INTU: variants seen among roughly 807,000 people sequenced by gnomAD.
INTU encodes inturned planar cell polarity protein.
INTU carries 68 observed loss-of-function variants against 100.5 expected under a neutral mutation model. That is an observed-to-expected ratio of 0.68 (90% CI 0.56 to 0.83). INTU has a LOEUF of 0.83. Among genes scored for constraint, INTU ranks in the 40% least tolerant of loss-of-function variants. The pLI is 0.00. For missense variants in INTU, 1,071 were observed against 1,114.7 expected (o/e 0.96, Z 0.56); for synonymous variants, 357 against 395.7 (o/e 0.90, Z 1.16).
chr4:127,706,448 T>C (rs963169161), intron 11 of INTU, 39 bp from the exon 12 acceptor site: 10 of 1,515,838 alleles, frequency 6.6e-6, no homozygotes, highest in Non-Finnish European at 9.0e-6. Context: ...AATATTTTCA[T>C]GGTAGCTAAA....
chr4:127,648,119 C>G (rs1409746672), intron 2 of INTU, among the ~76,000 whole-genome samples: 2 of 152,164 alleles, frequency 1.3e-5, no homozygotes, highest in African/African-American at 2.4e-5. Context: ...CAGGCCATTT[C>G]TTATTTAACA....
intron 2 of INTU, among the ~76,000 whole-genome samples, chr4:127,655,124 C>T (rs1033999524): frequency 1.3e-5 from 2 of 152,102 alleles, no homozygotes; most frequent in Non-Finnish European, 2.9e-5. Flanking sequence ...ATACATTCAT[C>T]TAAATTTTTT....
intron 6 of INTU, among the ~76,000 whole-genome samples, chr4:127,679,012 T>C (rs1186664407): frequency 1.3e-5 from 2 of 151,958 alleles, no homozygotes; most frequent in African/African-American, 4.8e-5. Context: ...AAGAAGGCCA[T>C]TACATAATGG....
chr4:127,707,392 CAAAAAAAAA>C (rs71587331), intron 12 of INTU, among the ~76,000 whole-genome samples: 5 of 44,584 alleles, frequency 1.1e-4, no homozygotes, highest in East Asian at 1.7e-3. Flanking sequence ...GACTCTGTCT[CAAAAAAAAA>C]AAAAAAAAAA....
intron 8 of INTU, among the ~76,000 whole-genome samples, chr4:127,695,329 G>A (rs1250109843): frequency 6.6e-6 from 1 of 152,074 alleles, no homozygotes; most frequent in Non-Finnish European, 1.5e-5. Context: ...TCTATGCTTG[G>A]GTGCAGTGGC....
At chr4:127,707,561 C>T (rs1207884991) in intron 12 of INTU, among the ~76,000 whole-genome samples, 2 of 151,990 alleles carry the variant, frequency 1.3e-5, no homozygotes, top group Non-Finnish European at 2.9e-5. Context: ...GCTGTGGGGC[C>T]TGTTGGGGGC....
At position 127,706,955 on chromosome 4, in the gene INTU, G is replaced by A. The variant is rs1730910024; in HGVS notation, c.2257G>A (p.Gly753Arg). ...SQGSDGLEES[G>R]TLLKVTKKKS... ...GGGCTCTGATGGTTTAGAAGAAAGT[G>A]GGACCTTGCTTAAGGTGTGTGCTTA... is the stretch of plus-strand genomic sequence containing the variant. The change falls in exon 12 of 16, where the codon GGG (glycine) becomes AGG (arginine). Residue 753 changes from glycine to arginine, a missense_variant. Transcript: ENST00000335251. 6.2e-7 allele frequency: 1 copy of A among 1,613,304 alleles called. No homozygotes were observed. The highest frequency in any genetic ancestry group is 2.2e-5 in the East Asian group (1 of 44,876).
At position 127,721,448 on chromosome 4, in the gene INTU, C is replaced by G. The variant is rs1180914388; in HGVS notation, c.*5012C>G. On this transcript the variant is annotated 3_prime_UTR_variant, in exon 16 of 16. Transcript: ENST00000335251. Reference sequence around the variant, plus strand: ...CTTGGAGAATCTGATGATTATGTGTCTTGGGGTTGATCTCATGGAGTATTG... The same window carrying G: ...CTTGGAGAATCTGATGATTATGTGTGTTGGGGTTGATCTCATGGAGTATTG... 1 of 152,058 alleles carries G rather than the reference C, an allele frequency of 6.6e-6. No individual in the cohort carries two copies. The highest frequency in any genetic ancestry group is 1.5e-5 in the Non-Finnish European group (1 of 68,016). The allele number at this position is 152,058 out of a possible 1,614,324, so 9.4% of individuals were successfully genotyped here. A position where few individuals can be genotyped will look rare whatever the true frequency, so the allele number is the denominator to read the frequency against.
chr4:127,691,978 A>ATATATATATATATATG (rs1560868017), intron 8 of INTU, among the ~76,000 whole-genome samples: 2 of 143,532 alleles, frequency 1.4e-5, no homozygotes, highest in South Asian at 2.3e-4. Context: ...ATATATATAT[A>ATATATATATATATATG]TATGTCACAT....
chr4:127,725,655 C>T lies in INTU; in HGVS notation c.*9219C>T, dbSNP rs1731406720. 1 of 152,080 alleles carries T rather than the reference C, an allele frequency of 6.6e-6. No homozygotes were observed. 9.4% of individuals were successfully genotyped at this position (152,080 alleles called of 1,614,324 possible). A position where few individuals can be genotyped will look rare whatever the true frequency, so the allele number is the denominator to read the frequency against. On this transcript the variant is annotated 3_prime_UTR_variant, in exon 16 of 16. Transcript: ENST00000335251. ...TGGTGTCAGAGAAACATGAGACCATCGCTCAATAATGGAAATAAAAAGGCA... is the reference window on the plus strand; with the variant it reads ...TGGTGTCAGAGAAACATGAGACCATTGCTCAATAATGGAAATAAAAAGGCA...
intron 2 of INTU, among the ~76,000 whole-genome samples, chr4:127,648,650 A>G (rs1277693387): frequency 6.6e-6 from 1 of 152,214 alleles, no homozygotes; most frequent in Non-Finnish European, 1.5e-5. Flanking sequence ...CAAACTATAG[A>G]CAACAGAACT....
At chr4:127,645,902 G>C (rs759028790) in intron 2 of INTU, among the ~76,000 whole-genome samples, 3 of 151,958 alleles carry the variant, frequency 2.0e-5, no homozygotes, top group African/African-American at 7.2e-5. Flanking sequence ...ATTTGGATAG[G>C]CCTGGCGTGG....
Position 127,663,448 on chromosome 4 carries a change from C to T in INTU, c.836C>T (p.Thr279Ile). 1 of 1,613,390 alleles carries T rather than the reference C, an allele frequency of 6.2e-7. No individual in the cohort carries two copies. Among genetic ancestry groups the T allele is most frequent in the Non-Finnish European group, 8.5e-7 (1 of 1,179,502 alleles). The change falls in exon 4 of 16, where the codon ACA (threonine) becomes ATA (isoleucine). Residue 279 changes from threonine to isoleucine, a missense_variant. Thr to Ile is a moderately conservative substitution (Grantham distance 89). Transcript: ENST00000335251. ...RETSHPRQKK[T>I]QSNTSDLVKL... ...ACGTCCCATCCAAGACAGAAAAAGA[C>T]ACAGTCCAACACAAGTGATTTAGTC...
chr4:127,658,314 T>C (rs1728325110), intron 3 of INTU, among the ~76,000 whole-genome samples: 1 of 124,834 alleles, frequency 8.0e-6, no homozygotes, highest in Admixed American at 8.4e-5. Context: ...TAGGAATGGA[T>C]AGCGAGATGG....
intron 1 of INTU, among the ~76,000 whole-genome samples, chr4:127,642,118 A>G (rs1257399537): frequency 1.3e-5 from 2 of 152,174 alleles, no homozygotes; most frequent in Admixed American, 6.5e-5. Context: ...CTTTGTTACT[A>G]AATGATTATG....
intron 6 of INTU, among the ~76,000 whole-genome samples, chr4:127,676,361 G>A (rs140559190): frequency 0.048 from 7,263 of 152,078 alleles, 239 homozygotes; most frequent in Non-Finnish European, 0.077. Context: ...CAAGGCTGGC[G>A]GATTGCTTGA....
chr4:127,647,931 A>G (rs978983652), intron 2 of INTU, among the ~76,000 whole-genome samples: 6 of 133,126 alleles, frequency 4.5e-5, no homozygotes, highest in Non-Finnish European at 9.4e-5. Flanking sequence ...TTGGTGCCTT[A>G]TGTAGTAGCC....
chr4:127,636,365 C>T (rs889208464), intron 1 of INTU, among the ~76,000 whole-genome samples: 2 of 152,040 alleles, frequency 1.3e-5, no homozygotes, highest in African/African-American at 4.8e-5. Context: ...AATCCCAGCA[C>T]TTTGGAAGGC....
At chr4:127,688,939 C>CTTTTCTTTCTTTCTTTTT (rs1553981967) in intron 8 of INTU, among the ~76,000 whole-genome samples, 19 of 87,386 alleles carry the variant, frequency 2.2e-4, no homozygotes, top group South Asian at 1.5e-3. Context: ...ATTACCCTTT[C>CTTTTCTTTCTTTCTTTTT]CTTTCTTTCT....
Sources: allele counts gnomAD v4.1 joint callset (sites outside exome capture counted in the v4.1 genomes callset), GRCh38; gene constraint gnomAD v4.1.1; transcripts MANE v1.5; gene names NCBI Gene and HGNC (gene_info 2026-07-23, HGNC 2026-07-21).